COL16A1: variants seen among roughly 807,000 people sequenced by gnomAD.
The protein encoded by COL16A1 is collagen alpha-1(XVI) chain.
COL16A1 carries 189 observed loss-of-function variants against 266.3 expected under a neutral mutation model. The ratio of observed to expected loss-of-function variants is 0.71; its 90% CI spans 0.63 to 0.80. COL16A1 has a LOEUF of 0.80. COL16A1 is among the 30% of genes least tolerant of loss of function. COL16A1 has a pLI of 0.00. For synonymous variants in COL16A1, 740 were observed against 782.3 expected (o/e 0.95, Z 0.90); for missense variants, 1,928 against 2,122.4 (o/e 0.91, Z 1.80).
intron 39 of COL16A1, among the ~76,000 whole-genome samples, chr1:31,680,664 C>T (rs533518315): frequency 1.3e-5 from 2 of 152,294 alleles, no homozygotes; most frequent in East Asian, 3.9e-4. Context: ...AGGCCAGCAA[C>T]CAGGTGAAGC....
At chr1:31,654,723 A>G in intron 68 of COL16A1, 69 bp downstream of exon 68, 1 of 1,612,222 alleles carries the variant, frequency 6.2e-7, no homozygotes, top group Non-Finnish European at 8.5e-7. Flanking sequence ...GAAAGAGGCC[A>G]AGGCAGGGCA....
Position 31,662,686 on chromosome 1 carries a change from C to CCG in COL16A1, c.3556-29_3556-28insCG, listed in dbSNP as rs1553159507. On this transcript the variant is annotated intron_variant, in intron 56 of 70. Coordinates refer to ENST00000373672, the MANE Select transcript of COL16A1 (RefSeq NM_001856.4). Reference sequence around the variant, plus strand: ...GGAAACCAGCGCCGCCCCCCCCCCCCGCCCCACAATAAAGTCAGCAGGGCT... The same window carrying CCG: ...GGAAACCAGCGCCGCCCCCCCCCCCCCGGCCCCACAATAAAGTCAGCAGGGCT... The CCG allele has an allele frequency of 3.4e-3, 3,487 of 1,018,402 alleles. 1 individual carries two copies. Among genetic ancestry groups the CCG allele is most frequent in the East Asian group, 9.9e-3 (320 of 32,352 alleles). The allele number at this position is 1,018,402 out of a possible 1,614,324, so 63.1% of individuals were successfully genotyped here.
chr1:31,699,052 G>A (rs898165381), intron 4 of COL16A1, among the ~76,000 whole-genome samples: 1 of 152,104 alleles, frequency 6.6e-6, no homozygotes, highest in Non-Finnish European at 1.5e-5. Context: ...CCAAGATCAC[G>A]CCACTGCACT....
Position 31,683,193 on chromosome 1 carries a change from C to T in COL16A1, c.2469+1G>A. 6.2e-7 allele frequency: 1 copy of T among 1,614,172 alleles called. No homozygotes were observed. Among genetic ancestry groups the T allele is most frequent in the Non-Finnish European group, 8.5e-7 (1 of 1,180,034 alleles). ...CAATACCCATGGAGGCAGAGGCTCA[C>T]CTGGGCACCCTTCTCTCCAGTGGGG... On this transcript the variant is annotated splice_donor_variant, in intron 36 of 70. Coordinates refer to ENST00000373672, the MANE Select transcript of COL16A1 (RefSeq NM_001856.4). LOFTEE classifies it high-confidence loss of function.
intron 33 of COL16A1, 71 bp downstream of exon 33, chr1:31,683,879 C>T (rs920879170): frequency 1.2e-6 from 2 of 1,610,268 alleles, no homozygotes; most frequent in Admixed American, 1.7e-5. Flanking sequence ...GGCCCACTGC[C>T]CCCATGGATC....
At chr1:31,665,552 A>T (rs371485109) in intron 55 of COL16A1, 31 bp downstream of exon 55, 51 of 1,613,956 alleles carry the variant, frequency 3.2e-5, no homozygotes, top group Non-Finnish European at 4.3e-5. Flanking sequence ...ACCACATCAG[A>T]CAGAGCTGGC....
rs1181553400 is a variant in COL16A1, at chr1:31,683,656, T to C, written c.2379+51A>G. ...TTGGGAGTGGATGGAAGTAGGTAGC[T>C]GGCTAATGGAAGTGCTGAGAGGACA... On this transcript the variant is annotated intron_variant, in intron 34 of 70. Coordinates refer to ENST00000373672, the MANE Select transcript of COL16A1 (RefSeq NM_001856.4). 5.6e-6 allele frequency: 9 copies of C among 1,610,034 alleles called. No homozygotes were observed. The Admixed American group carries it at 1.5e-4, about 27-fold the overall frequency.
Position 31,681,042 on chromosome 1 carries a change from G to A in COL16A1, c.2564C>T (p.Thr855Met), listed in dbSNP as rs754034650. 1.9e-5 allele frequency: 31 copies of A among 1,613,294 alleles called. 1 individual carries two copies. Among genetic ancestry groups the A allele is most frequent in the Middle Eastern group, 1.7e-4 (1 of 6,060 alleles). ...ACTCACTGGTGTTCCTCTGAGTCCC[G>A]TCTGTCCTTGCTGCCCATCACGGCC... ...PPGRDGQQGQ[T>M]GLRGTPGEKG... Residue 855 changes from threonine (T) to methionine (M), a missense_variant, in exon 38 of 71, where the codon ACG (threonine) becomes ATG (methionine). Transcript: ENST00000373672.
chr1:31,670,850 T>G lies in COL16A1; in HGVS notation c.3151-204A>C, dbSNP rs1035388449. Among the ~76,000 whole-genome samples the G allele has an allele frequency of 1.3e-5, 2 of 152,206 alleles. No individual in the cohort carries two copies. The highest frequency in any genetic ancestry group is 2.9e-5 in the Non-Finnish European group (2 of 68,034). On this transcript the variant is annotated intron_variant, in intron 48 of 70. Transcript: ENST00000373672. The surrounding 1 kb of genome is among the most constrained non-coding windows in gnomAD (Gnocchi z 4.5). The stretch of plus-strand genomic sequence containing the variant: ...GCTCCAGGAAGAATGGCTCCTCCGT[T>G]GACGGAGATGCGGAATGGCTCCAGA...
chr1:31,675,510 C>T (rs985245177), intron 42 of COL16A1, among the ~76,000 whole-genome samples, 199 bp from the exon 43 acceptor site: 2 of 152,156 alleles, frequency 1.3e-5, no homozygotes, highest in Non-Finnish European at 1.5e-5. Flanking sequence ...CCCAGAAGAG[C>T]GACCCCCCAA....
chr1:31,676,823 T>G (rs948861790), intron 42 of COL16A1, among the ~76,000 whole-genome samples: 1 of 152,224 alleles, frequency 6.6e-6, no homozygotes, highest in Non-Finnish European at 1.5e-5. Context: ...GTTGAGTGAA[T>G]GCACCGCTGC....
At chr1:31,655,683 G>A (rs1176941205) in intron 66 of COL16A1, 181 bp from the exon 67 acceptor site, 2 of 1,039,264 alleles carry the variant, frequency 1.9e-6, no homozygotes, top group South Asian at 1.7e-5. Flanking sequence ...AGTTCTCCTG[G>A]TGTTACTCCC....
chr1:31,681,219 AG>A (rs1643618845), intron 37 of COL16A1, 152 bp from the exon 38 acceptor site: 1 of 1,144,840 alleles, frequency 8.7e-7, no homozygotes, highest in African/African-American at 1.6e-5. Flanking sequence ...GAGGAGACTG[AG>A]GTGCCGGACA....
chr1:31,665,735 C>G (rs1212246670), intron 54 of COL16A1, 117 bp from the exon 55 acceptor site: 1 of 1,592,210 alleles, frequency 6.3e-7, no homozygotes, highest in Non-Finnish European at 8.6e-7. Context: ...GCCCTCCCCT[C>G]TGCCCACCAT....
chr1:31,695,973 G>A (rs1644480776), intron 9 of COL16A1, 115 bp downstream of exon 9: 1 of 1,079,806 alleles, frequency 9.3e-7, no homozygotes, highest in East Asian at 2.4e-5. Flanking sequence ...GCTCTGTCCA[G>A]GAGGTGGGAA....
chr1:31,679,194 C>T (rs540772536), intron 42 of COL16A1: 3 of 510,686 alleles, frequency 5.9e-6, no homozygotes, highest in South Asian at 6.2e-5. Flanking sequence ...TTGTCTGTCT[C>T]TCTTACTAGA....
intron 8 of COL16A1, among the ~76,000 whole-genome samples, 173 bp from the exon 9 acceptor site, chr1:31,696,314 C>A (rs1644496845): frequency 1.3e-5 from 2 of 149,456 alleles, no homozygotes; most frequent in African/African-American, 2.5e-5. Flanking sequence ...CCCAACAGGT[C>A]CCCCTCCTTC....
In COL16A1 at chr1:31,689,039, G is replaced by T; in HGVS notation, c.1656+11C>A. On this transcript the variant is annotated intron_variant, in intron 24 of 70. Coordinates refer to ENST00000373672, the MANE Select transcript of COL16A1 (RefSeq NM_001856.4). Reference sequence around the variant, plus strand: ...CAGAGGAGGGCAGCCAGGAGAGCAGGGTTCCCTCACCTTCTCTCCTTTGAT... The same window carrying T: ...CAGAGGAGGGCAGCCAGGAGAGCAGTGTTCCCTCACCTTCTCTCCTTTGAT... 1 of 1,613,896 alleles carries T rather than the reference G, an allele frequency of 6.2e-7. No homozygotes were observed. The highest frequency in any genetic ancestry group is 8.5e-7 in the Non-Finnish European group (1 of 1,179,988).
At position 31,657,112 on chromosome 1, in the gene COL16A1, GT is replaced by G. The variant is rs1299201674; in HGVS notation, c.4021-45del. ...TGGAGACATGAGGAGCTCCAACCCA[GT>G]TTGGTGTCAGATGCCTCACTTTGTA... On this transcript the variant is annotated intron_variant, in intron 64 of 70. Transcript: ENST00000373672. This position sits in a 1 kb window ranked among gnomAD's most constrained non-coding sequence, Gnocchi z 6.4. 1 of 1,613,654 alleles carries G rather than the reference GT, an allele frequency of 6.2e-7. No homozygotes were observed. Among genetic ancestry groups the G allele is most frequent in the Non-Finnish European group, 8.5e-7 (1 of 1,179,730 alleles).
Sources: allele counts gnomAD v4.1 joint callset (sites outside exome capture counted in the v4.1 genomes callset), GRCh38; gene constraint gnomAD v4.1.1; non-coding constraint Gnocchi (gnomAD v3.1); transcripts MANE v1.5; gene names NCBI Gene and HGNC (gene_info 2026-07-23, HGNC 2026-07-21).